The following NR2C2 variants were observed in gnomAD, a reference collection of about 807,000 sequenced individuals.
The protein encoded by NR2C2 is nuclear receptor subfamily 2 group C member 2.
Under a neutral mutation model 62.9 loss-of-function variants are expected in NR2C2, and 6 were observed. The ratio of observed to expected loss-of-function variants is 0.10; its 90% confidence interval spans 0.05 to 0.19. The LOEUF is 0.19. Ranked by LOEUF, NR2C2 falls within the 10% of genes least tolerant of loss-of-function variation. NR2C2 has a pLI of 1.00. For missense variants in NR2C2, 479 were observed against 762.7 expected (o/e 0.63, Z 4.38); for synonymous variants, 272 against 273.8 (o/e 0.99, Z 0.07).
chr3:14,990,946 G>A (rs2040653291), intron 1 of NR2C2, among the ~76,000 whole-genome samples: 1 of 152,156 alleles, frequency 6.6e-6, no homozygotes, highest in Non-Finnish European at 1.5e-5. Context: ...ATTCAGGTGG[G>A]GCAAAAGTTG....
intron 3 of NR2C2, 54 bp from the exon 4 acceptor site, chr3:15,016,098 G>A (rs943032187): frequency 1.1e-5 from 15 of 1,382,370 alleles, no homozygotes; most frequent in Admixed American, 6.7e-5. Flanking sequence ...CACCGTGCCC[G>A]GCAGTGATTT....
rs1191133382 is a variant in NR2C2 at position 14,961,662 on chromosome 3, A to G, written c.-40+13756A>G. On this transcript the variant is annotated intron_variant, in intron 1 of 13. Coordinates refer to ENST00000425241, the MANE Select transcript of NR2C2 (RefSeq NM_001291694.2). ...GCTCCTTCAGCAATGCTGGTACTCAAATGTCTTGACCCAGGAAACTAGCAC... is the reference window on the plus strand; with the variant it reads ...GCTCCTTCAGCAATGCTGGTACTCAGATGTCTTGACCCAGGAAACTAGCAC... Among the ~76,000 whole-genome samples the G allele has an allele frequency of 2.6e-5, 4 of 152,150 alleles. No individual in the cohort carries two copies. The East Asian group carries it at 7.7e-4, about 29-fold the overall frequency.
At chr3:14,954,639 A>G (rs568257698) in intron 1 of NR2C2, among the ~76,000 whole-genome samples, 2 of 152,344 alleles carry the variant, frequency 1.3e-5, no homozygotes, top group South Asian at 2.1e-4. Context: ...AAACAGTGCA[A>G]TAATATTATA....
chr3:15,007,485 T>G (rs1279580397), intron 2 of NR2C2, among the ~76,000 whole-genome samples: 1 of 152,214 alleles, frequency 6.6e-6, no homozygotes, highest in Non-Finnish European at 1.5e-5. Context: ...CCCAACCTGA[T>G]CTTTTCCCTC....
intron 7 of NR2C2, among the ~76,000 whole-genome samples, chr3:15,025,021 C>T (rs368205640): frequency 2.3e-3 from 351 of 152,352 alleles, no homozygotes; most frequent in African/African-American, 8.0e-3. Context: ...AGCTGCCCTG[C>T]ATGCCTTGGT....
At chr3:14,994,752 TA>T (rs546377971) in intron 1 of NR2C2, among the ~76,000 whole-genome samples, 435 of 127,600 alleles carry the variant, frequency 3.4e-3, no homozygotes, top group East Asian at 9.6e-3. Context: ...ATTCATTCTT[TA>T]AAAAAAAAAA....
rs1224721224 is a variant in NR2C2, at chr3:15,045,935, A to G, written c.*2927A>G. ...TCATCAGTTAAGTGAGCTCTTTTCCAGAAGTATCTCAGATAATGTTGGGTT... is the reference window on the plus strand; with the variant it reads ...TCATCAGTTAAGTGAGCTCTTTTCCGGAAGTATCTCAGATAATGTTGGGTT... On this transcript the variant is annotated 3_prime_UTR_variant, in exon 14 of 14. Transcript: ENST00000425241. 1 of 151,808 alleles carries G rather than the reference A, an allele frequency of 6.6e-6. No individual in the cohort carries two copies. The highest frequency in any genetic ancestry group is 1.5e-5 in the Non-Finnish European group (1 of 67,986). 9.4% of individuals were successfully genotyped at this position (151,808 alleles called of 1,614,324 possible). A position where few individuals can be genotyped will look rare whatever the true frequency, so the allele number is the denominator to read the frequency against.
intron 1 of NR2C2, among the ~76,000 whole-genome samples, chr3:14,990,896 C>A (rs181240039): frequency 1.3e-5 from 2 of 152,136 alleles, no homozygotes; most frequent in Non-Finnish European, 2.9e-5. Flanking sequence ...CTTAGCAAAT[C>A]GTTTCTTAAT....
chr3:14,980,361 C>T (rs542844791), intron 1 of NR2C2, among the ~76,000 whole-genome samples: 1 of 151,850 alleles, frequency 6.6e-6, no homozygotes, highest in Non-Finnish European at 1.5e-5. Context: ...CAGGAACTCA[C>T]TATGTTGTAC....
At chr3:14,965,522 C>CAAAAAAAA (rs545143806) in intron 1 of NR2C2, among the ~76,000 whole-genome samples, 3 of 79,668 alleles carry the variant, frequency 3.8e-5, no homozygotes, top group Non-Finnish European at 7.9e-5. Flanking sequence ...TTTCCCATGG[C>CAAAAAAAA]AAAAAAAAAA....
intron 1 of NR2C2, among the ~76,000 whole-genome samples, chr3:14,981,285 G>A (rs2040359609): frequency 6.6e-6 from 1 of 152,054 alleles, no homozygotes; most frequent in Non-Finnish European, 1.5e-5. Flanking sequence ...CGGACAATAT[G>A]GTGAAACCTT....
intron 1 of NR2C2, among the ~76,000 whole-genome samples, chr3:14,958,902 G>A (rs942259699): frequency 1.6e-4 from 25 of 152,212 alleles, no homozygotes; most frequent in Non-Finnish European, 4.4e-5. Flanking sequence ...CTTGAACCAG[G>A]GAGTCGGAGG....
At chr3:14,953,032 A>T (rs977277364) in intron 1 of NR2C2, among the ~76,000 whole-genome samples, 1 of 152,242 alleles carries the variant, frequency 6.6e-6, no homozygotes, top group African/African-American at 2.4e-5. Context: ...GACCCCTGGT[A>T]CCTGGAAGTC....
At chr3:14,972,787 C>T (rs2040083049) in intron 1 of NR2C2, among the ~76,000 whole-genome samples, 1 of 152,058 alleles carries the variant, frequency 6.6e-6, no homozygotes, top group Non-Finnish European at 1.5e-5. Context: ...TGGTGGCAGA[C>T]AAAGCAGGAG....
intron 1 of NR2C2, among the ~76,000 whole-genome samples, chr3:14,982,432 T>A (rs771415522): frequency 4.6e-5 from 7 of 152,192 alleles, no homozygotes; most frequent in African/African-American, 7.2e-5. Context: ...CTTAAATGAA[T>A]CAATTTAGAG....
rs143442810 is a variant in NR2C2 at position 15,024,450 on chromosome 3, G to T, written c.798+242G>T. Among the ~76,000 whole-genome samples, 264 of 152,316 alleles carry T rather than the reference G, an allele frequency of 1.7e-3. 2 individuals are homozygous for T. The highest frequency in any genetic ancestry group is 4.8e-3 in the South Asian group (23 of 4,822). On this transcript the variant is annotated intron_variant, in intron 7 of 13. Transcript: ENST00000425241. ...ACATGTCAGTCTAGATGTCAATTTG[G>T]TGGACATTCAGTGGTTCTCTTTTCT...
chr3:15,014,126 C>A (rs1438161790), intron 3 of NR2C2, among the ~76,000 whole-genome samples: 1 of 152,194 alleles, frequency 6.6e-6, no homozygotes, highest in Non-Finnish European at 1.5e-5. Flanking sequence ...AAAGGTACCA[C>A]CTAGGGCTGA....
rs187520942 is a variant in NR2C2 at position 15,035,145 on chromosome 3, T to C, written c.1372+336T>C. Among the ~76,000 whole-genome samples, 239 of 152,218 alleles carry C rather than the reference T, an allele frequency of 1.6e-3. 2 individuals carry two copies. Among genetic ancestry groups the C allele is most frequent in the Non-Finnish European group, 2.8e-3 (189 of 68,018 alleles). On this transcript the variant is annotated intron_variant, in intron 11 of 13. Coordinates refer to ENST00000425241, the MANE Select transcript of NR2C2 (RefSeq NM_001291694.2). ...TGTCTTTACAAAAAGTACAAGAAAT[T>C]AGCCAGGCCTGGTGGCATCTGCCTG...
At chr3:15,000,474 A>G (rs1407873737) in intron 1 of NR2C2, among the ~76,000 whole-genome samples, 13 of 152,238 alleles carry the variant, frequency 8.5e-5, no homozygotes, top group Non-Finnish European at 1.5e-5. Context: ...GCTGCAGAGA[A>G]CATGGGAGTG....
Sources: gnomAD v4.1 joint callset for allele counts (sites outside exome capture counted in the v4.1 genomes callset) on GRCh38, gnomAD v4.1.1 for gene constraint, MANE v1.5 for transcripts, NCBI Gene and HGNC (gene_info 2026-07-23, HGNC 2026-07-21) for gene names.